The following RARB variants were observed in gnomAD, a reference collection of about 807,000 sequenced individuals.
The protein encoded by RARB is retinoic acid receptor beta, also known as HBV-activated protein.
RARB carries 17 observed loss-of-function variants against 51.9 expected under a neutral mutation model. The observed-to-expected ratio is 0.33, with a 90% CI of 0.22 to 0.49. The LOEUF is 0.49. Among genes scored for constraint, RARB ranks in the 20% least tolerant of loss-of-function variants. RARB has a pLI of 0.99. For synonymous variants in RARB, 215 were observed against 195.4 expected (o/e 1.10, Z -0.84); for missense variants, 369 against 550.8 (o/e 0.67, Z 3.30).
intron 5 of RARB, among the ~76,000 whole-genome samples, chr3:25,193,393 A>G (rs1318873990): frequency 1.3e-5 from 2 of 152,094 alleles, no homozygotes; most frequent in Non-Finnish European, 2.9e-5. Flanking sequence ...TTTGCACTGA[A>G]GTAAAAAGAT....
chr3:24,842,335 C>G (rs1323280408), intron 1 of RARB, among the ~76,000 whole-genome samples: 1 of 152,002 alleles, frequency 6.6e-6, no homozygotes, highest in Non-Finnish European at 1.5e-5. Context: ...GTTTTGATTT[C>G]TTTATTTCCT....
At chr3:25,199,230 A>G (rs1020178440) in intron 5 of RARB, among the ~76,000 whole-genome samples, 8 of 151,724 alleles carry the variant, frequency 5.3e-5, no homozygotes, top group Non-Finnish European at 1.2e-4. Context: ...CACTTATTTG[A>G]GGGAGCTAAA....
intron 2 of RARB, among the ~76,000 whole-genome samples, chr3:25,038,290 C>T (rs1698040398): frequency 6.6e-6 from 1 of 152,022 alleles, no homozygotes. Context: ...ACATATAAAT[C>T]ATAATATGTA....
intron 5 of RARB, among the ~76,000 whole-genome samples, chr3:25,192,911 T>C (rs1701140460): frequency 6.6e-6 from 1 of 152,052 alleles, no homozygotes; most frequent in Non-Finnish European, 1.5e-5. Context: ...TTCTAGGCTC[T>C]TAGAATGTAC....
chr3:25,011,955 T>C (rs556300011), intron 2 of RARB, among the ~76,000 whole-genome samples: 34 of 152,226 alleles, frequency 2.2e-4, no homozygotes, highest in Non-Finnish European at 4.3e-4. Context: ...GCAAAGGTCA[T>C]AAAGGGATTC....
intron 5 of RARB, among the ~76,000 whole-genome samples, chr3:25,311,503 A>G (rs1704289032): frequency 6.6e-6 from 1 of 152,210 alleles, no homozygotes. Context: ...CTCTGTTTAT[A>G]GTTTTTATTT....
chr3:25,123,051 T>A (rs1041298235), intron 3 of RARB, among the ~76,000 whole-genome samples: 6 of 151,990 alleles, frequency 3.9e-5, no homozygotes, highest in Non-Finnish European at 5.9e-5. Flanking sequence ...ATGGCAACAA[T>A]TCAATTCTCC....
chr3:25,059,901 A>G lies in RARB; in HGVS notation c.-379-224A>G, dbSNP rs118138693. Among the ~76,000 whole-genome samples the G allele has an allele frequency of 3.2e-3, 483 of 151,958 alleles. 9 individuals carry two copies. The East Asian group carries it at 0.042, about 13-fold the overall frequency. On this transcript the variant is annotated intron_variant, in intron 2 of 11. Coordinates refer to the RARB transcript ENST00000383772. ...TGACTTTTCTCTTGAAAGAGTTTAC[A>G]TTGATAGAATCTGAAAAAAGTGAGT...
At chr3:25,429,167 G>A (rs546553087) in intron 1 of RARB, among the ~76,000 whole-genome samples, 8 of 152,162 alleles carry the variant, frequency 5.3e-5, no homozygotes, top group South Asian at 2.1e-4. Flanking sequence ...ATAAAAATGT[G>A]GGGGGTGGGG....
chr3:25,143,894 G>A (rs1187423924), intron 4 of RARB, among the ~76,000 whole-genome samples: 3 of 152,160 alleles, frequency 2.0e-5, no homozygotes, highest in Non-Finnish European at 4.4e-5. Flanking sequence ...ACAAAAGACA[G>A]CACAGTGCCT....
At chr3:25,074,170 A>G (rs1428820543) in intron 3 of RARB, among the ~76,000 whole-genome samples, 1 of 152,250 alleles carries the variant, frequency 6.6e-6, no homozygotes, top group African/African-American at 2.4e-5. Flanking sequence ...ATCACAATGG[A>G]AAACTACTAA....
intron 5 of RARB, among the ~76,000 whole-genome samples, chr3:25,292,269 C>G (rs1470171221): frequency 6.6e-6 from 1 of 152,136 alleles, no homozygotes; most frequent in Non-Finnish European, 1.5e-5. Flanking sequence ...CCTTCCCACC[C>G]TCACCCCACC....
chr3:25,456,792 GT>G (rs1045334199), intron 1 of RARB, among the ~76,000 whole-genome samples: 6 of 149,052 alleles, frequency 4.0e-5, no homozygotes, highest in African/African-American at 1.5e-4. Flanking sequence ...CGTACATAAC[GT>G]TTTTCCCTTT....
At chr3:25,565,106 C>T (rs1343920963) in intron 3 of RARB, among the ~76,000 whole-genome samples, 1 of 152,174 alleles carries the variant, frequency 6.6e-6, no homozygotes, top group East Asian at 1.9e-4. Flanking sequence ...CTCCCTGTAG[C>T]ATCCTTCATT....
intron 3 of RARB, among the ~76,000 whole-genome samples, chr3:25,509,308 C>G (rs894106855): frequency 6.6e-6 from 1 of 152,208 alleles, no homozygotes; most frequent in East Asian, 1.9e-4. Context: ...GCATTTAGCA[C>G]CGTGCTTGGC....
In RARB at chr3:25,199,460, TTTA is replaced by T. The variant is rs1210437155; in HGVS notation, c.178+24893_178+24895del. Among the ~76,000 whole-genome samples the T allele has an allele frequency of 1.1e-4, 16 of 152,256 alleles. No individual in the cohort carries two copies. In the East Asian group the frequency reaches 1.2e-3, roughly 11 times the overall value. The stretch of plus-strand genomic sequence containing the variant: ...TGACTAAGAGTATAATTGGAATTTT[TTTA>T]TTATTATACTTTAAGTTTTAGGGTA... On this transcript the variant is annotated intron_variant, in intron 5 of 11. Coordinates refer to the RARB transcript ENST00000383772.
intron 5 of RARB, among the ~76,000 whole-genome samples, chr3:25,408,809 G>T (rs547425393): frequency 2.6e-5 from 4 of 152,308 alleles, no homozygotes; most frequent in Non-Finnish European, 5.9e-5. Flanking sequence ...GCTGAGGCGG[G>T]CAGATCACGA....
At chr3:24,858,775 T>G (rs1364299404) in intron 2 of RARB, 1 of 152,082 alleles carries the variant, frequency 6.6e-6, no homozygotes, top group Non-Finnish European at 1.5e-5. Flanking sequence ...TTAGTCCTTT[T>G]AAGTTCTCTA....
chr3:25,035,442 T>C (rs2125292219), intron 2 of RARB, among the ~76,000 whole-genome samples: 2 of 114,122 alleles, frequency 1.8e-5, no homozygotes, highest in African/African-American at 5.6e-5. Flanking sequence ...TTTTTTTTTT[T>C]TTTTTCTCTC....
Sources: gnomAD v4.1 joint callset for allele counts (sites outside exome capture counted in the v4.1 genomes callset) on GRCh38, gnomAD v4.1.1 for gene constraint, MANE v1.5 for transcripts, NCBI Gene and HGNC (gene_info 2026-07-23, HGNC 2026-07-21) for gene names.